The following EYS variants were observed in gnomAD, a reference collection of about 807,000 sequenced individuals.
The protein encoded by EYS is EGF-like photoreceptor maintenance factor.
In EYS, 250 loss-of-function variants were observed where a neutral mutation model predicts 282.1. The observed-to-expected ratio is 0.89, with a 90% CI of 0.80 to 0.98. The LOEUF (loss-of-function observed/expected upper bound fraction) is 0.98. EYS is among the 50% of genes least tolerant of loss of function. The pLI is 0.00. For missense variants in EYS, 4,016 were observed against 3,709.0 expected, an observed-to-expected ratio of 1.08 and a Z score of -2.15; for synonymous variants, 1,355 against 1,282.9, an observed-to-expected ratio of 1.06 and a Z score of -1.20.
intron 31 of EYS, among the ~76,000 whole-genome samples, chr6:64,186,006 A>G (rs754022236): frequency 2.6e-5 from 4 of 152,162 alleles, no homozygotes; most frequent in Admixed American, 6.6e-5. Context: ...GGTAATAACC[A>G]TCAGGCTAAA....
chr6:64,200,751 G>C (rs1488334804), intron 31 of EYS, among the ~76,000 whole-genome samples: 1 of 152,032 alleles, frequency 6.6e-6, no homozygotes, highest in African/African-American at 2.4e-5. Flanking sequence ...TTATGGCTGC[G>C]AGCTTACATT....
chr6:65,675,670 C>A (rs1484647300), intron 1 of EYS, among the ~76,000 whole-genome samples: 1 of 151,704 alleles, frequency 6.6e-6, no homozygotes, highest in African/African-American at 2.4e-5. Context: ...CCCACACTCC[C>A]CTTTTAATTA....
chr6:64,762,904 T>C (rs916564988), intron 22 of EYS, among the ~76,000 whole-genome samples: 5 of 152,186 alleles, frequency 3.3e-5, no homozygotes, highest in African/African-American at 1.2e-4. Context: ...AGTTTTGAAA[T>C]GGAATTTATT....
chr6:65,347,785 T>C (rs1483145080), intron 9 of EYS, among the ~76,000 whole-genome samples: 1 of 151,644 alleles, frequency 6.6e-6, no homozygotes, highest in East Asian at 1.9e-4. Context: ...TTGTTGCCTG[T>C]AGTCACCCTG....
In EYS at chr6:63,986,034, A is replaced by G. The variant is rs558876417; in HGVS notation, c.6835-1431T>C. Among the ~76,000 whole-genome samples the G allele has an allele frequency of 4.3e-4, 66 of 152,048 alleles. 1 individual carries two copies. Among genetic ancestry groups the G allele is most frequent in the Middle Eastern group, 6.8e-3 (2 of 294 alleles). On this transcript the variant is annotated intron_variant, in intron 34 of 42. Coordinates refer to ENST00000503581, the MANE Select transcript of EYS (RefSeq NM_001142800.2). ...TTTTTGCAAACTATGCATCTTACAAAGGTCTAATATCTAGCATCTATAAGG... is the reference window on the plus strand; with the variant it reads ...TTTTTGCAAACTATGCATCTTACAAGGGTCTAATATCTAGCATCTATAAGG...
intron 22 of EYS, among the ~76,000 whole-genome samples, chr6:64,686,837 A>C (rs1181745385): frequency 6.3e-5 from 1 of 15,774 alleles, no homozygotes; most frequent in African/African-American, 1.7e-4. Context: ...ATATATATAT[A>C]CGTGTATATA....
At chr6:64,408,837 T>C (rs73455405) in intron 28 of EYS, among the ~76,000 whole-genome samples, 9 of 152,326 alleles carry the variant, frequency 5.9e-5, no homozygotes, top group African/African-American at 2.2e-4. Context: ...ATGTGCACGC[T>C]TGTTACATGG....
intron 24 of EYS, among the ~76,000 whole-genome samples, chr6:64,613,796 A>C (rs1225765228): frequency 6.6e-6 from 1 of 152,182 alleles, no homozygotes; most frequent in Non-Finnish European, 1.5e-5. Flanking sequence ...GGGTTCTCAC[A>C]GTGAGGTTTG....
chr6:65,013,815 T>C (rs565972992), intron 13 of EYS, among the ~76,000 whole-genome samples: 2 of 152,282 alleles, frequency 1.3e-5, no homozygotes, highest in South Asian at 4.1e-4. Flanking sequence ...CAGCAAGCTG[T>C]GATTGAGCCA....
intron 12 of EYS, 49 bp from the exon 13 acceptor site, chr6:65,057,776 G>A: frequency 3.3e-6 from 4 of 1,219,616 alleles, no homozygotes; most frequent in Non-Finnish European, 4.7e-6. Flanking sequence ...AGACAGGCAT[G>A]TATCAAGTCG....
chr6:65,042,114 C>A (rs188289101), intron 13 of EYS, among the ~76,000 whole-genome samples: 50 of 151,612 alleles, frequency 3.3e-4, no homozygotes, highest in Non-Finnish European at 6.1e-4. Context: ...TCAACTGACC[C>A]CTTCAGTATT....
chr6:65,477,796 T>A (rs1765464963), intron 5 of EYS, among the ~76,000 whole-genome samples: 1 of 152,180 alleles, frequency 6.6e-6, no homozygotes, highest in Non-Finnish European at 1.5e-5. Flanking sequence ...AAATGATATA[T>A]TTTTCAATCT....
At chr6:64,608,514 T>C (rs1436448319) in intron 24 of EYS, among the ~76,000 whole-genome samples, 1 of 152,228 alleles carries the variant, frequency 6.6e-6, no homozygotes, top group Admixed American at 6.6e-5. Flanking sequence ...TTGGGCAGTT[T>C]CTAAGTAAAC....
chr6:64,778,353 T>C (rs1054959140), intron 22 of EYS, among the ~76,000 whole-genome samples: 4 of 152,140 alleles, frequency 2.6e-5, no homozygotes, highest in African/African-American at 9.7e-5. Flanking sequence ...ATCTGCAAAA[T>C]CTGCAAAATC....
chr6:64,023,633 A>G (rs1028325410), intron 33 of EYS, among the ~76,000 whole-genome samples: 9 of 152,208 alleles, frequency 5.9e-5, no homozygotes, highest in Admixed American at 3.3e-4. Flanking sequence ...GTGCGCCCTC[A>G]CTAGCTCTCG....
At chr6:64,311,593 G>T (rs973337147) in intron 29 of EYS, among the ~76,000 whole-genome samples, 7 of 152,182 alleles carry the variant, frequency 4.6e-5, no homozygotes, top group Non-Finnish European at 8.8e-5. Context: ...CAAGATGGCT[G>T]AATAGGAACA....
chr6:64,374,603 C>G (rs897500149), intron 29 of EYS, among the ~76,000 whole-genome samples: 3 of 152,124 alleles, frequency 2.0e-5, no homozygotes, highest in South Asian at 2.1e-4. Context: ...TTCTTGTGTT[C>G]CCCTTCTGCT....
At chr6:64,334,293 A>C (rs1036319588) in intron 29 of EYS, among the ~76,000 whole-genome samples, 2 of 152,182 alleles carry the variant, frequency 1.3e-5, no homozygotes, top group African/African-American at 4.8e-5. Flanking sequence ...GGACAGGGGC[A>C]TGTGTATTAG....
intron 26 of EYS, among the ~76,000 whole-genome samples, chr6:64,565,357 A>T (rs1425059115): frequency 6.6e-6 from 1 of 152,046 alleles, no homozygotes; most frequent in Admixed American, 6.6e-5. Flanking sequence ...TTTTGAGTTG[A>T]TTTTTATACG....
Sources: allele counts gnomAD v4.1 joint callset (sites outside exome capture counted in the v4.1 genomes callset), GRCh38; gene constraint gnomAD v4.1.1; transcripts MANE v1.5; gene names NCBI Gene and HGNC (gene_info 2026-07-23, HGNC 2026-07-21).